DDHD1: variants seen among roughly 807,000 people sequenced by gnomAD.
The protein encoded by DDHD1 is DDHD domain containing 1.
Under a neutral mutation model 96.4 loss-of-function variants are expected in DDHD1, and 49 were observed. The observed-to-expected ratio is 0.51, with a 90% CI of 0.40 to 0.64. The LOEUF is 0.64. Among genes scored for constraint, DDHD1 ranks in the 30% least tolerant of loss-of-function variants. The probability of loss-of-function intolerance (pLI) is 0.00; values close to 1 mark genes in which losing one functional copy is unlikely to be tolerated. For synonymous variants in DDHD1, 442 were observed against 446.5 expected, an observed-to-expected ratio of 0.99 and a Z score of 0.13; for missense variants, 1,106 against 1,161.2, an observed-to-expected ratio of 0.95 and a Z score of 0.69.
intron 1 of DDHD1, among the ~76,000 whole-genome samples, chr14:53,133,354 T>G (rs1257768601): frequency 6.6e-6 from 1 of 152,194 alleles, no homozygotes; most frequent in African/African-American, 2.4e-5. Flanking sequence ...GCTACCACAG[T>G]TATTTCTTCC....
rs1434661247 is a variant in DDHD1 at position 53,040,087 on chromosome 14, G to A, written c.*6681C>T. ...AAACTCGACTTTTAAAGTCACTTTG[G>A]TAGCAAAGGTGGGGGAATGGGAAGG... is the stretch of plus-strand genomic sequence containing the variant. On this transcript the variant is annotated 3_prime_UTR_variant, in exon 13 of 13. Coordinates refer to ENST00000673822, the MANE Select transcript of DDHD1 (RefSeq NM_001160148.2). 2 of 152,192 alleles carry A rather than the reference G, an allele frequency of 1.3e-5. 1 individual carries two copies. The highest frequency in any genetic ancestry group is 2.9e-5 in the Non-Finnish European group (2 of 68,070). 9.4% of individuals were successfully genotyped at this position (152,192 alleles called of 1,614,324 possible).
chr14:53,087,972 A>G (rs901082981), intron 4 of DDHD1, among the ~76,000 whole-genome samples: 1 of 152,248 alleles, frequency 6.6e-6, no homozygotes, highest in African/African-American at 2.4e-5. Flanking sequence ...AAAAAACGAT[A>G]AAAAGATTAT....
chr14:53,087,993 C>G (rs1010578144), intron 4 of DDHD1, among the ~76,000 whole-genome samples: 2 of 152,120 alleles, frequency 1.3e-5, no homozygotes, highest in African/African-American at 4.8e-5. Flanking sequence ...CACTACTGAT[C>G]CCACAGAAAT....
At chr14:53,124,219 G>A (rs904011308) in intron 1 of DDHD1, among the ~76,000 whole-genome samples, 2 of 145,796 alleles carry the variant, frequency 1.4e-5, no homozygotes, top group Admixed American at 6.7e-5. Context: ...TGGGCGACAA[G>A]AGTGAAACTC....
At chr14:53,099,594 A>AT (rs1887146944) in intron 2 of DDHD1, among the ~76,000 whole-genome samples, 1 of 152,220 alleles carries the variant, frequency 6.6e-6, no homozygotes, top group Non-Finnish European at 1.5e-5. Context: ...AGTTCAACCT[A>AT]TTTTTTACTG....
At chr14:53,124,383 CTG>C (rs911530078) in intron 1 of DDHD1, among the ~76,000 whole-genome samples, 30 of 152,042 alleles carry the variant, frequency 2.0e-4, no homozygotes, top group Non-Finnish European at 3.8e-4. Context: ...TAGCTAGAAA[CTG>C]TAATCTAAAA....
chr14:53,104,570 A>C (rs1887548316), intron 1 of DDHD1, among the ~76,000 whole-genome samples: 1 of 152,272 alleles, frequency 6.6e-6, no homozygotes, highest in East Asian at 1.9e-4. Flanking sequence ...CTTCTAGTAC[A>C]TATACAGGAT....
intron 9 of DDHD1, among the ~76,000 whole-genome samples, chr14:53,056,187 G>A (rs1344047925): frequency 2.0e-5 from 3 of 152,234 alleles, no homozygotes; most frequent in South Asian, 2.1e-4. Context: ...GTAACAATTA[G>A]ATTTATTTTA....
intron 6 of DDHD1, among the ~76,000 whole-genome samples, chr14:53,071,034 T>C (rs1350684363): frequency 1.3e-5 from 2 of 152,174 alleles, no homozygotes; most frequent in Non-Finnish European, 2.9e-5. Context: ...TTTGATATTA[T>C]AGTACCTGTA....
chr14:53,129,679 T>C (rs2139833453), intron 1 of DDHD1, among the ~76,000 whole-genome samples: 1 of 152,272 alleles, frequency 6.6e-6, no homozygotes, highest in South Asian at 2.1e-4. Flanking sequence ...CCTCTTTCAC[T>C]ATGGGCAATC....
chr14:53,153,002 C>A lies in DDHD1; in HGVS notation c.97G>T (p.Ala33Ser). ...AWELGSDARP[A>S]FGGGVCCFEH... Reference sequence around the variant, plus strand: ...AAGCAGCAGACGCCGCCGCCGAACGCTGGCCTCGCGTCTGAGCCCAGCTCC... The same window carrying A: ...AAGCAGCAGACGCCGCCGCCGAACGATGGCCTCGCGTCTGAGCCCAGCTCC... The change falls in exon 1 of 13, where the codon GCG becomes TCG. Residue 33 changes from alanine (A) to serine (S), a missense_variant. Ala to Ser is a moderately conservative substitution (Grantham distance 99, BLOSUM62 1). Transcript: ENST00000673822. The A allele has an allele frequency of 6.5e-7, 1 of 1,541,524 alleles. No homozygotes were observed. The highest frequency in any genetic ancestry group is 8.7e-7 in the Non-Finnish European group (1 of 1,146,378).
intron 4 of DDHD1, among the ~76,000 whole-genome samples, chr14:53,087,677 T>C (rs563461017): frequency 6.6e-6 from 1 of 152,106 alleles, no homozygotes; most frequent in East Asian, 1.9e-4. Flanking sequence ...TAGAGGAAAA[T>C]ATATAGCACT....
At position 53,152,760 on chromosome 14, in the gene DDHD1, G is replaced by A. The variant is rs1331453621; in HGVS notation, c.339C>T (p.Ser113=). 2.0e-6 allele frequency: 3 copies of A among 1,521,440 alleles called. No individual in the cohort carries two copies. Among genetic ancestry groups the A allele is most frequent in the Admixed American group, 4.1e-5 (2 of 48,618 alleles). 94.2% of individuals were successfully genotyped at this position (1,521,440 alleles called of 1,614,324 possible). Residue 113 remains serine, a synonymous_variant, in exon 1 of 13, where the codon AGC becomes AGT. Transcript: ENST00000673822. ...YSEGESGGGG[S]SLSLHPPQQP... ...GCTGCGGCGGGTGCAGCGACAAGGA[G>A]CTGCCGCCGCCGCCGCTCTCACCCT... is the stretch of plus-strand genomic sequence containing the variant.
chr14:53,053,360 A>C (rs1194644683), intron 11 of DDHD1: 1 of 152,142 alleles, frequency 6.6e-6, no homozygotes, highest in East Asian at 1.9e-4. Flanking sequence ...CTAAAAAAGA[A>C]TTTTCCAGAC....
intron 1 of DDHD1, among the ~76,000 whole-genome samples, chr14:53,125,451 T>C (rs1453910082): frequency 1.3e-5 from 2 of 152,212 alleles, no homozygotes; most frequent in Admixed American, 6.5e-5. Flanking sequence ...CGTAAAACAG[T>C]TGTCTGAATT....
chr14:53,089,731 T>G (rs1886277632), intron 4 of DDHD1, among the ~76,000 whole-genome samples: 1 of 152,148 alleles, frequency 6.6e-6, no homozygotes, highest in Admixed American at 6.5e-5. Flanking sequence ...ATGTTAGACC[T>G]AAAACCATAA....
intron 1 of DDHD1, 148 bp downstream of exon 1, chr14:53,152,113 G>GATTAGTTGGGTGTAGAT: frequency 1.2e-6 from 1 of 833,736 alleles, no homozygotes; most frequent in Admixed American, 3.2e-5. Flanking sequence ...AGCTGCCGAC[G>GATTAGTTGGGTGTAGAT]CTCCCTGCTC....
chr14:53,092,009 A>T, intron 3 of DDHD1, 77 bp from the exon 4 acceptor site: 1 of 1,417,726 alleles, frequency 7.1e-7, no homozygotes, highest in Non-Finnish European at 9.6e-7. Context: ...AAAGAAAAAA[A>T]AGAAGTAAAA....
intron 8 of DDHD1, among the ~76,000 whole-genome samples, chr14:53,059,605 C>G (rs1292702281): frequency 6.7e-6 from 1 of 149,936 alleles, no homozygotes; most frequent in Non-Finnish European, 1.5e-5. Context: ...GTGGCCCACG[C>G]CTGTAATCCC....
Sources: gnomAD v4.1 joint callset for allele counts (sites outside exome capture counted in the v4.1 genomes callset) on GRCh38, gnomAD v4.1.1 for gene constraint, MANE v1.5 for transcripts, NCBI Gene and HGNC (gene_info 2026-07-23, HGNC 2026-07-21) for gene names.